NOVA1: variants seen among roughly 807,000 people sequenced by gnomAD.
The protein encoded by NOVA1 is RNA-binding protein Nova-1.
NOVA1 carries 7 observed loss-of-function variants against 38.0 expected under a neutral mutation model. The observed-to-expected ratio is 0.18, with a 90% CI of 0.10 to 0.35. The LOEUF (loss-of-function observed/expected upper bound fraction) is 0.35. Ranked by LOEUF, NOVA1 falls within the 10% of genes least tolerant of loss-of-function variation. The probability of loss-of-function intolerance (pLI) is 1.00; values close to 1 mark genes in which losing one functional copy is unlikely to be tolerated. For synonymous variants in NOVA1, 270 were observed against 232.5 expected (o/e 1.16, Z -1.47); for missense variants, 460 against 616.0 (o/e 0.75, Z 2.68).
intron 2 of NOVA1, among the ~76,000 whole-genome samples, chr14:26,527,345 G>T (rs550160894): frequency 2.6e-5 from 4 of 152,006 alleles, no homozygotes; most frequent in Admixed American, 1.3e-4. Context: ...TCATGTTGAT[G>T]CCCATGGGAA....
intron 4 of NOVA1, among the ~76,000 whole-genome samples, chr14:26,458,995 T>A (rs188811101): frequency 6.6e-6 from 1 of 151,982 alleles, no homozygotes; most frequent in East Asian, 1.9e-4. Flanking sequence ...TTAAAGAAAG[T>A]TTATTTTTAT....
At chr14:26,513,223 A>G (rs1888221174) in intron 2 of NOVA1, among the ~76,000 whole-genome samples, 1 of 152,002 alleles carries the variant, frequency 6.6e-6, no homozygotes, top group African/African-American at 2.4e-5. Flanking sequence ...ATTTTGTTTT[A>G]AAATGAATGT....
Position 26,564,924 on chromosome 14 carries a change from C to T in NOVA1, c.280+30486G>A, listed in dbSNP as rs531746042. On this transcript the variant is annotated intron_variant, in intron 2 of 4. Transcript: ENST00000539517. ...TTGTGGAAATCTTTCTAAAATGTAT[C>T]ACACATATACCTAACTTCTTAAAAT... is the stretch of plus-strand genomic sequence containing the variant. Among the ~76,000 whole-genome samples the T allele has an allele frequency of 1.3e-5, 2 of 152,254 alleles. 1 individual carries two copies. The highest frequency in any genetic ancestry group is 4.1e-4 in the South Asian group (2 of 4,826).
chr14:26,463,983 A>C (rs1390374938), intron 4 of NOVA1, among the ~76,000 whole-genome samples: 1 of 152,168 alleles, frequency 6.6e-6, no homozygotes, highest in East Asian at 1.9e-4. Flanking sequence ...CAACTCTGCG[A>C]GGTAGGTAGT....
intron 2 of NOVA1, among the ~76,000 whole-genome samples, chr14:26,517,140 T>C (rs1026247630): frequency 3.3e-5 from 5 of 151,888 alleles, no homozygotes; most frequent in Admixed American, 2.0e-4. Context: ...CTCCTGACCT[T>C]GTGATCCGCC....
intron 2 of NOVA1, among the ~76,000 whole-genome samples, chr14:26,506,954 A>T (rs1392012351): frequency 6.6e-6 from 1 of 152,188 alleles, no homozygotes; most frequent in African/African-American, 2.4e-5. Context: ...AAAATTCCAG[A>T]ATGATTTTAT....
rs373502156 is a variant in NOVA1, at chr14:26,448,344, G to A, written c.1139C>T (p.Ala380Val). The A allele has an allele frequency of 2.5e-5, 40 of 1,613,992 alleles. No homozygotes were observed. Among genetic ancestry groups the A allele is most frequent in the Admixed American group, 3.3e-5 (2 of 60,004 alleles). Residue 380 changes from alanine to valine, a missense_variant, in exon 5 of 5, where the codon GCG becomes GTG. Transcript: ENST00000539517. The surrounding 1 kb of genome is among the most constrained non-coding windows in gnomAD (Gnocchi z 5.3). Reference protein sequence around the residue: ...SASGSTAGGTAGTFALGSLAA... With the variant: ...SASGSTAGGTVGTFALGSLAA... ...CAGGCTACCTAATGCAAATGTCCCC[G>A]CCGTACCACCAGCTGTGCTGCCACT... is the stretch of plus-strand genomic sequence containing the variant.
chr14:26,502,361 G>A (rs1329604785), intron 2 of NOVA1, among the ~76,000 whole-genome samples: 1 of 151,686 alleles, frequency 6.6e-6, no homozygotes. Context: ...AGATGCAGCT[G>A]TTCTTTTGCA....
At chr14:26,558,531 A>G (rs1891630730) in intron 2 of NOVA1, among the ~76,000 whole-genome samples, 1 of 152,180 alleles carries the variant, frequency 6.6e-6, no homozygotes, top group Non-Finnish European at 1.5e-5. Flanking sequence ...TCTTCTACTA[A>G]GAAGGTCAGG....
At chr14:26,470,213 A>C (rs2138245527) in intron 4 of NOVA1, 1 of 1,041,420 alleles carries the variant, frequency 9.6e-7, no homozygotes, top group South Asian at 2.2e-5. Flanking sequence ...ATTAAAACCT[A>C]TTTTCTTATC....
intron 2 of NOVA1, among the ~76,000 whole-genome samples, chr14:26,572,220 G>A (rs1472870450): frequency 2.6e-5 from 4 of 152,280 alleles, no homozygotes; most frequent in Admixed American, 6.5e-5. Context: ...TAAAGGGGAA[G>A]ATTAATTCAA....
chr14:26,526,000 C>T (rs1889270633), intron 2 of NOVA1, among the ~76,000 whole-genome samples: 1 of 151,906 alleles, frequency 6.6e-6, no homozygotes, highest in Admixed American at 6.6e-5. Flanking sequence ...GTAGTTTTAG[C>T]TTATGTTATA....
chr14:26,544,471 G>C (rs1890664738), intron 2 of NOVA1, among the ~76,000 whole-genome samples: 1 of 147,470 alleles, frequency 6.8e-6, no homozygotes. Flanking sequence ...GAAAACATAA[G>C]GTTAAAAAAA....
At position 26,597,815 on chromosome 14, in the gene NOVA1, G is replaced by T. The variant is rs1217635120; in HGVS notation, c.-379C>A. 4.8e-6 allele frequency: 2 copies of T among 412,622 alleles called. No homozygotes were observed. The highest frequency in any genetic ancestry group is 6.6e-6 in the Non-Finnish European group (2 of 302,572). The allele number at this position is 412,622 out of a possible 1,614,324, so 25.6% of individuals were successfully genotyped here. On this transcript the variant is annotated 5_prime_UTR_variant, in exon 1 of 5. Coordinates refer to ENST00000539517, the MANE Select transcript of NOVA1 (RefSeq NM_002515.3). ...GGACAGGCAGAGGGAGTGGGAGAGC[G>T]CGAGGGCTGGCGGGGCGCGGGGAGA...
chr14:26,508,060 AT>A (rs2138438157), intron 2 of NOVA1, among the ~76,000 whole-genome samples: 1 of 152,186 alleles, frequency 6.6e-6, no homozygotes, highest in South Asian at 2.1e-4. Context: ...CATGTATTAT[AT>A]TTGAGAGTTC....
chr14:26,538,000 A>C (rs548767119), intron 2 of NOVA1, among the ~76,000 whole-genome samples: 1 of 152,276 alleles, frequency 6.6e-6, no homozygotes, highest in South Asian at 2.1e-4. Flanking sequence ...GCAAAAGCTA[A>C]GAGGCAATAC....
chr14:26,593,331 G>A (rs1163326741), intron 2 of NOVA1: 10 of 151,844 alleles, frequency 6.6e-5, no homozygotes, highest in South Asian at 2.1e-4. Flanking sequence ...GGTCAAGTGC[G>A]AAGAGAAAGA....
chr14:26,523,595 C>T (rs1315438371), intron 2 of NOVA1, among the ~76,000 whole-genome samples: 2 of 152,046 alleles, frequency 1.3e-5, no homozygotes, highest in Non-Finnish European at 2.9e-5. Flanking sequence ...TACTCAACTG[C>T]CATTGTAATG....
chr14:26,471,657 T>C (rs1009186350), intron 4 of NOVA1, among the ~76,000 whole-genome samples: 3 of 151,958 alleles, frequency 2.0e-5, no homozygotes, highest in Admixed American at 6.6e-5. Flanking sequence ...AAGAATGACC[T>C]ACAAATAGTA....
Sources: gnomAD v4.1 joint callset for allele counts (sites outside exome capture counted in the v4.1 genomes callset) on GRCh38, gnomAD v4.1.1 for gene constraint, Gnocchi (gnomAD v3.1) non-coding constraint, MANE v1.5 for transcripts, NCBI Gene and HGNC (gene_info 2026-07-23, HGNC 2026-07-21) for gene names.